Variants in PRPF40B observed in about 807,000 individuals in gnomAD.
PRPF40B encodes the protein pre-mRNA processing factor 40B, also known as pre-mRNA-processing factor 40 homolog B.
PRPF40B carries 56 observed loss-of-function variants against 124.5 expected under a neutral mutation model. The observed-to-expected ratio is 0.45, with a 90% CI of 0.36 to 0.56. The LOEUF is 0.56. Among genes scored for constraint, PRPF40B ranks in the 20% least tolerant of loss-of-function variants. The pLI is 0.00. For synonymous variants in PRPF40B, 443 were observed against 426.4 expected (o/e 1.04, Z -0.48); for missense variants, 1,053 against 1,169.5 (o/e 0.90, Z 1.45).
chr12:49,643,138 TC>T, intron 22 of PRPF40B, 84 bp from the exon 23 acceptor site: 1 of 1,587,728 alleles, frequency 6.3e-7, no homozygotes, highest in Non-Finnish European at 8.6e-7. Flanking sequence ...TGGCCCTGGG[TC>T]CTCCTCCTCT....
At chr12:49,632,658 G>C (rs770255782) in intron 5 of PRPF40B, 35 bp downstream of exon 5, 5 of 1,611,610 alleles carry the variant, frequency 3.1e-6, no homozygotes, top group Non-Finnish European at 4.2e-6. Flanking sequence ...CCCCAGGCTC[G>C]GAGGTTGGGG....
chr12:49,638,809 G>T (rs1942209922), intron 18 of PRPF40B: 1 of 152,168 alleles, frequency 6.6e-6, no homozygotes, highest in South Asian at 2.1e-4. Context: ...AATGGTGAGT[G>T]TTCCACCAGA....
chr12:49,637,656 C>A, intron 17 of PRPF40B, 72 bp downstream of exon 17: 1 of 1,556,910 alleles, frequency 6.4e-7, no homozygotes, highest in Non-Finnish European at 8.8e-7. Context: ...CCCCTACTAC[C>A]GGCTCCTGTC....
chr12:49,642,293 T>C lies in PRPF40B; in HGVS notation c.1943T>C (p.Met648Thr). The C allele has an allele frequency of 6.2e-7, 1 of 1,614,152 alleles. No homozygotes were observed. Among genetic ancestry groups the C allele is most frequent in the Non-Finnish European group, 8.5e-7 (1 of 1,180,022 alleles). Residue 648 changes from methionine (M) to threonine (T), a missense_variant, in exon 20 of 26, where the codon ATG (methionine) becomes ACG (threonine). By Grantham distance (81) the Met-to-Thr change is moderately conservative. Around this residue, in one of 2 missense-constraint regions of PRPF40B, gnomAD observed 895 missense variants for 1,052.2 expected, o/e 0.85. Coordinates refer to ENST00000548825, the MANE Select transcript of PRPF40B (RefSeq NM_001031698.3). This position sits in a 1 kb window ranked among gnomAD's most constrained non-coding sequence, Gnocchi z 5.8. ...REREKEEARR[M>T]RRREAAFRSM... ...CGGGAGAAGGAGGAGGCACGCAGGA[T>C]GCGGCGCAGGGAAGCTGCCTTTCGA...
At position 49,643,301 on chromosome 12, in the gene PRPF40B, T is replaced by G. The variant is rs760937022; in HGVS notation, c.2284T>G (p.Ser762Ala). The G allele has an allele frequency of 5.6e-6, 9 of 1,612,520 alleles. No homozygotes were observed. The highest frequency in any genetic ancestry group is 7.6e-6 in the Non-Finnish European group (9 of 1,179,506). Residue 762 changes from serine to alanine, a missense_variant, in exon 23 of 26, where the codon TCA becomes GCA. Ser to Ala is a moderately conservative substitution (Grantham distance 99). This residue lies in a region of PRPF40B where 895 missense variants were observed against 1,052.2 expected (regional missense o/e 0.85). Transcript: ENST00000548825. ...PKRRRRNPSESGSEPSSSLDS... is the reference protein window; with the variant it reads ...PKRRRRNPSEAGSEPSSSLDS... Reference sequence around the variant, plus strand: ...GCGGAGGAGGCGGAACCCCTCAGAGTCAGGCTCTGAGCCCTCTTCCTCACT... The same window carrying G: ...GCGGAGGAGGCGGAACCCCTCAGAGGCAGGCTCTGAGCCCTCTTCCTCACT...
rs1941496099 is a variant in PRPF40B at position 49,633,981 on chromosome 12, C to T, written c.701C>T (p.Pro234Leu). ...PPVPPGPTPV[P>L]TGLLEPEPGG... ...GTGCCTCCTGGCCCCACCCCAGTGC[C>T]CACAGGCCTCCTGGAACCTGAGCCA... The change falls in exon 10 of 26, where the codon CCC becomes CTC. Residue 234 changes from proline to leucine, a missense_variant. By Grantham distance (98) the Pro-to-Leu change is moderately conservative (BLOSUM62 -3). Coordinates refer to ENST00000548825, the MANE Select transcript of PRPF40B (RefSeq NM_001031698.3). The T allele has an allele frequency of 1.9e-5, 31 of 1,614,234 alleles. No individual in the cohort carries two copies. Among genetic ancestry groups the T allele is most frequent in the East Asian group, 6.7e-5 (3 of 44,876 alleles).
In PRPF40B at chr12:49,635,111, A is replaced by G. The variant is rs761335911; in HGVS notation, c.1014A>G (p.Lys338=). The change falls in exon 13 of 26, where the codon AAA becomes AAG. Residue 338 remains lysine, a synonymous_variant. Coordinates refer to ENST00000548825, the MANE Select transcript of PRPF40B (RefSeq NM_001031698.3). This position sits in a 1 kb window ranked among gnomAD's most constrained non-coding sequence, Gnocchi z 4.1. ...VTDPRYSALP[K]LSEKKQAFNA... Reference sequence around the variant, plus strand: ...CCCTCTATCCCAGTGCCTTGCCTAAACTGAGTGAGAAAAAGCAGGCATTCA... The same window carrying G: ...CCCTCTATCCCAGTGCCTTGCCTAAGCTGAGTGAGAAAAAGCAGGCATTCA... The G allele has an allele frequency of 6.2e-7, 1 of 1,613,036 alleles. No individual in the cohort carries two copies. The highest frequency in any genetic ancestry group is 8.5e-7 in the Non-Finnish European group (1 of 1,179,828).
rs1438876826 is a variant in PRPF40B, at chr12:49,642,743, C to A, written c.2118+68C>A. 1 of 1,527,198 alleles carries A rather than the reference C, an allele frequency of 6.5e-7. No homozygotes were observed. The highest frequency in any genetic ancestry group is 1.9e-5 in the Admixed American group (1 of 52,886). 94.6% of individuals were successfully genotyped at this position (1,527,198 alleles called of 1,614,324 possible). A position where few individuals can be genotyped will look rare whatever the true frequency, so the allele number is the denominator to read the frequency against. On this transcript the variant is annotated intron_variant, in intron 21 of 25. Transcript: ENST00000548825. The surrounding 1 kb of genome is among the most constrained non-coding windows in gnomAD (Gnocchi z 5.8). ...CTCATTAGACCAGTTCAACAGAGAC[C>A]TCAGTGGCCTCCCTCTTACCCTTAG... is the stretch of plus-strand genomic sequence containing the variant.
Position 49,642,316 on chromosome 12 carries a change from C to G in PRPF40B, c.1966C>G (p.Arg656Gly). The G allele has an allele frequency of 1.2e-6, 2 of 1,614,154 alleles. No homozygotes were observed. Among genetic ancestry groups the G allele is most frequent in the Non-Finnish European group, 1.7e-6 (2 of 1,180,046 alleles). ...GATGCGGCGCAGGGAAGCTGCCTTT[C>G]GAAGCATGCTGAGGCAGGCTGTGCC... Reference protein sequence around the residue: ...RRMRRREAAFRSMLRQAVPAL... With the variant: ...RRMRRREAAFGSMLRQAVPAL... The change falls in exon 20 of 26, where the codon CGA becomes GGA. Residue 656 changes from arginine (R) to glycine (G), a missense_variant. Arg to Gly is a moderately radical substitution (Grantham distance 125). Around this residue, in one of 2 missense-constraint regions of PRPF40B, gnomAD observed 895 missense variants for 1,052.2 expected, o/e 0.85. Coordinates refer to ENST00000548825, the MANE Select transcript of PRPF40B (RefSeq NM_001031698.3). The surrounding 1 kb of genome is among the most constrained non-coding windows in gnomAD (Gnocchi z 5.8).
In PRPF40B at chr12:49,643,275, A is replaced by G. The variant is rs1226891231; in HGVS notation, c.2258A>G (p.Lys753Arg). ...ELPPPSLRPP[K>R]RRRRNPSESG... ...CCCCCACCATCTCTCCGGCCCCCCAAGCGGAGGAGGCGGAACCCCTCAGAG... is the reference window on the plus strand; with the variant it reads ...CCCCCACCATCTCTCCGGCCCCCCAGGCGGAGGAGGCGGAACCCCTCAGAG... The change falls in exon 23 of 26, where the codon AAG becomes AGG. Residue 753 changes from lysine to arginine, a missense_variant. This residue lies in a region of PRPF40B where 895 missense variants were observed against 1,052.2 expected (regional missense o/e 0.85). Transcript: ENST00000548825. 1.2e-6 allele frequency: 2 copies of G among 1,614,026 alleles called. No homozygotes were observed. Among genetic ancestry groups the G allele is most frequent in the East Asian group, 2.2e-5 (1 of 44,880 alleles).
Position 49,636,758 on chromosome 12 carries a change from T to G in PRPF40B, c.1469T>G (p.Ile490Ser), listed in dbSNP as rs757263724. ...EDALICFEEH[I>S]RALEREEEEE... is the part of the protein sequence containing the mutation. ...GCACTGATCTGTTTTGAGGAGCACA[T>G]CCGAGCTTTGGAGAGGGAAGAGGAG... The change falls in exon 16 of 26, where the codon ATC (isoleucine) becomes AGC (serine). Residue 490 changes from isoleucine (I) to serine (S), a missense_variant. By Grantham distance (142) the Ile-to-Ser change is moderately radical. Transcript: ENST00000548825. The G allele has an allele frequency of 6.2e-7, 1 of 1,614,162 alleles. No individual in the cohort carries two copies. The highest frequency in any genetic ancestry group is 8.5e-7 in the Non-Finnish European group (1 of 1,180,014).
At position 49,631,312 on chromosome 12, in the gene PRPF40B, A is replaced by C; in HGVS notation, c.85-89A>C. ...GAGCAGGGTGGAGGGTTGGGGAGGG[A>C]GGTGGTGGATATTTCCTGACAGGTC... On this transcript the variant is annotated intron_variant, in intron 2 of 25. Coordinates refer to ENST00000548825, the MANE Select transcript of PRPF40B (RefSeq NM_001031698.3). This position sits in a 1 kb window ranked among gnomAD's most constrained non-coding sequence, Gnocchi z 4.3. 1 of 925,770 alleles carries C rather than the reference A, an allele frequency of 1.1e-6. No individual in the cohort carries two copies. The highest frequency in any genetic ancestry group is 2.3e-4 in the Middle Eastern group (1 of 4,368). The allele number at this position is 925,770 out of a possible 1,614,324, so 57.3% of individuals were successfully genotyped here.
intron 1 of PRPF40B, among the ~76,000 whole-genome samples, chr12:49,627,506 G>A (rs1940830599): frequency 6.6e-6 from 1 of 152,144 alleles, no homozygotes; most frequent in Non-Finnish European, 1.5e-5. Context: ...GGCCAACCCA[G>A]TTTTCTCAGG....
At chr12:49,629,361 C>T (rs1313276628) in intron 1 of PRPF40B, among the ~76,000 whole-genome samples, 1 of 152,186 alleles carries the variant, frequency 6.6e-6, no homozygotes. Flanking sequence ...AATTTCATAG[C>T]TCCTTACTGG....
chr12:49,637,344 T>C, intron 16 of PRPF40B, 126 bp from the exon 17 acceptor site: 1 of 654,456 alleles, frequency 1.5e-6, no homozygotes. Context: ...TCTCTGCCTC[T>C]CTTGCCTGCA....
In PRPF40B at chr12:49,631,759, C is replaced by T; in HGVS notation, c.229-101C>T. ...CCTGAGGAAGTGCCCAAGTGAGGGT[C>T]ATGGCTCCAGTGAGATGTCTCAGGA... On this transcript the variant is annotated intron_variant, in intron 3 of 25. Coordinates refer to ENST00000548825, the MANE Select transcript of PRPF40B (RefSeq NM_001031698.3). The surrounding 1 kb of genome is among the most constrained non-coding windows in gnomAD (Gnocchi z 4.3). 7.6e-7 allele frequency: 1 copy of T among 1,321,696 alleles called. No homozygotes were observed. Among genetic ancestry groups the T allele is most frequent in the Non-Finnish European group, 1.1e-6 (1 of 915,628 alleles). The allele number at this position is 1,321,696 out of a possible 1,614,324, so 81.9% of individuals were successfully genotyped here.
Position 49,635,392 on chromosome 12 carries a change from G to A in PRPF40B, c.1194G>A (p.Leu398=). ...GGGCAGAACAGACCTTTGGGGAGCT[G>A]GAGGTCTGGGCTGTGGTCCCTGAGA... is the stretch of plus-strand genomic sequence containing the variant. ...YRRAEQTFGE[L]EVWAVVPERD... Residue 398 remains leucine (L), a synonymous_variant, in exon 14 of 26, where the codon CTG becomes CTA. Transcript: ENST00000548825. The surrounding 1 kb of genome is among the most constrained non-coding windows in gnomAD (Gnocchi z 4.1). 6.2e-7 allele frequency: 1 copy of A among 1,613,996 alleles called. No individual in the cohort carries two copies. The highest frequency in any genetic ancestry group is 2.2e-5 in the East Asian group (1 of 44,886).
chr12:49,636,563 G>C, intron 15 of PRPF40B, 153 bp from the exon 16 acceptor site: 3 of 838,576 alleles, frequency 3.6e-6, no homozygotes, highest in South Asian at 3.4e-5. Flanking sequence ...CATTGCAGTG[G>C]CTGCTCCCAC....
chr12:49,642,829 C>G lies in PRPF40B; in HGVS notation c.2119-101C>G, dbSNP rs143914076. The G allele has an allele frequency of 5.1e-4, 742 of 1,447,430 alleles. 4 individuals carry two copies. The African/African-American group carries it at 8.7e-3, about 17-fold the overall frequency. 89.7% of individuals were successfully genotyped at this position (1,447,430 alleles called of 1,614,324 possible). On this transcript the variant is annotated intron_variant, in intron 21 of 25. Transcript: ENST00000548825. This position sits in a 1 kb window ranked among gnomAD's most constrained non-coding sequence, Gnocchi z 5.8. ...GGATCCCTGGGATAGGCAGAAGGCT[C>G]TAGTCTGAGAAAGGGAGGCAAAGCC...
Sources: allele counts gnomAD v4.1 joint callset (sites outside exome capture counted in the v4.1 genomes callset), GRCh38; gene constraint gnomAD v4.1.1; regional missense constraint gnomAD v4.1.1; non-coding constraint Gnocchi (gnomAD v3.1); transcripts MANE v1.5; gene names NCBI Gene and HGNC (gene_info 2026-07-23, HGNC 2026-07-21).